CBLB: variants seen among roughly 807,000 people sequenced by gnomAD.
CBLB encodes Cbl proto-oncogene B, also known as E3 ubiquitin-protein ligase CBL-B.
A neutral mutation model predicts 104.9 loss-of-function variants in CBLB; 31 were observed. The observed-to-expected ratio is 0.30, with a 90% CI of 0.22 to 0.40. The LOEUF is 0.40. Among genes scored for constraint, CBLB ranks in the 10% least tolerant of loss-of-function variants. The probability of loss-of-function intolerance (pLI) is 1.00; values close to 1 mark genes in which losing one functional copy is unlikely to be tolerated. For synonymous variants in CBLB, 440 were observed against 422.6 expected (o/e 1.04, Z -0.51); for missense variants, 1,062 against 1,214.6 (o/e 0.87, Z 1.87).
intron 17 of CBLB, among the ~76,000 whole-genome samples, chr3:105,675,178 C>A (rs1263316949): frequency 1.3e-5 from 2 of 152,072 alleles, no homozygotes; most frequent in African/African-American, 4.8e-5. Context: ...CTCAGGAAAC[C>A]AAATCTCAAT....
At chr3:105,840,768 A>C (rs541543825) in intron 3 of CBLB, among the ~76,000 whole-genome samples, 1 of 152,260 alleles carries the variant, frequency 6.6e-6, no homozygotes. Context: ...TATCATTCTT[A>C]TATCACATAA....
intron 18 of CBLB, among the ~76,000 whole-genome samples, chr3:105,665,271 T>A (rs770774405): frequency 5.9e-5 from 9 of 151,548 alleles, no homozygotes; most frequent in Non-Finnish European, 1.0e-4. Context: ...TAGTCCCAGC[T>A]ACTTGGGAGG....
intron 16 of CBLB, among the ~76,000 whole-genome samples, chr3:105,679,635 G>A (rs1219859151): frequency 1.3e-5 from 2 of 152,022 alleles, no homozygotes; most frequent in Non-Finnish European, 2.9e-5. Context: ...AATTAGCCGG[G>A]CATGGTGGTA....
intron 2 of CBLB, among the ~76,000 whole-genome samples, chr3:105,859,730 C>G (rs748064003): frequency 6.6e-6 from 1 of 150,630 alleles, no homozygotes; most frequent in Non-Finnish European, 1.5e-5. Context: ...TTTCTTATTA[C>G]AGTGACCTAA....
chr3:105,851,783 G>A (rs916842617), intron 3 of CBLB, among the ~76,000 whole-genome samples: 6 of 152,176 alleles, frequency 3.9e-5, no homozygotes, highest in Non-Finnish European at 8.8e-5. Context: ...ATACAGTCAT[G>A]AACCCCGTAA....
chr3:105,817,272 T>C (rs1008816982), intron 3 of CBLB, among the ~76,000 whole-genome samples: 1 of 152,150 alleles, frequency 6.6e-6, no homozygotes, highest in Non-Finnish European at 1.5e-5. Context: ...TTATCAGTAA[T>C]CTTATCATGA....
chr3:105,716,965 C>T (rs557992736), intron 10 of CBLB, among the ~76,000 whole-genome samples: 49 of 152,166 alleles, frequency 3.2e-4, no homozygotes, highest in African/African-American at 1.1e-3. Context: ...GTCTTGGGAG[C>T]GGGTGATAAG....
intron 3 of CBLB, among the ~76,000 whole-genome samples, chr3:105,821,719 A>T (rs765169659): frequency 2.0e-5 from 3 of 152,206 alleles, no homozygotes; most frequent in Non-Finnish European, 4.4e-5. Context: ...ATAAAAACAA[A>T]AACAGGATTT....
At chr3:105,664,154 T>C (rs1476227593) in intron 18 of CBLB, among the ~76,000 whole-genome samples, 6 of 152,176 alleles carry the variant, frequency 3.9e-5, no homozygotes, top group Non-Finnish European at 7.4e-5. Flanking sequence ...TATTGATGAA[T>C]ACATTTTCCC....
At chr3:105,705,810 A>C (rs890930144) in intron 10 of CBLB, among the ~76,000 whole-genome samples, 1 of 152,154 alleles carries the variant, frequency 6.6e-6, no homozygotes, top group African/African-American at 2.4e-5. Flanking sequence ...ATATAGTTGG[A>C]AATTTATGCG....
At chr3:105,730,243 GA>G (rs1305987287) in intron 9 of CBLB, among the ~76,000 whole-genome samples, 1 of 151,788 alleles carries the variant, frequency 6.6e-6, no homozygotes, top group African/African-American at 2.4e-5. Flanking sequence ...AGAATGGGTG[GA>G]AAAAAATCAC....
At chr3:105,772,112 T>C (rs185904766) in intron 4 of CBLB, among the ~76,000 whole-genome samples, 288 of 152,254 alleles carry the variant, frequency 1.9e-3, no homozygotes, top group Non-Finnish European at 3.5e-3. Flanking sequence ...TCACACTATC[T>C]GACCTCAAAT....
chr3:105,674,367 A>T (rs1163892609), intron 17 of CBLB, among the ~76,000 whole-genome samples: 1 of 152,256 alleles, frequency 6.6e-6, no homozygotes, highest in Non-Finnish European at 1.5e-5. Context: ...TTACTTATGC[A>T]GTTGCATTTC....
chr3:105,738,726 T>C lies in CBLB; in HGVS notation c.984-1468A>G, dbSNP rs558717219. Among the ~76,000 whole-genome samples the C allele has an allele frequency of 3.9e-5, 6 of 152,192 alleles. No individual in the cohort carries two copies. In the East Asian group the frequency reaches 9.7e-4, roughly 24 times the overall value. On this transcript the variant is annotated intron_variant, in intron 7 of 18. Coordinates refer to ENST00000394030, the MANE Select transcript of CBLB (RefSeq NM_170662.5). Reference sequence around the variant, plus strand: ...AAAGTATATTTTCTTAAAAAAAATCTGTAATCATGGTAAATCAAAATCTAT... The same window carrying C: ...AAAGTATATTTTCTTAAAAAAAATCCGTAATCATGGTAAATCAAAATCTAT...
intron 2 of CBLB, among the ~76,000 whole-genome samples, chr3:105,857,548 T>A (rs956669333): frequency 6.6e-6 from 1 of 152,210 alleles, no homozygotes; most frequent in African/African-American, 2.4e-5. Flanking sequence ...TAAGGGACCA[T>A]TAAAATATCA....
At chr3:105,710,059 C>T (rs1188946754) in intron 10 of CBLB, among the ~76,000 whole-genome samples, 11 of 151,758 alleles carry the variant, frequency 7.2e-5, no homozygotes, top group Non-Finnish European at 1.5e-4. Flanking sequence ...TTTTTTGGTC[C>T]CCATATCCAC....
intron 3 of CBLB, among the ~76,000 whole-genome samples, chr3:105,791,526 C>T (rs1484332212): frequency 4.6e-5 from 7 of 152,180 alleles, no homozygotes; most frequent in Admixed American, 4.6e-4. Context: ...ACCATGCCAC[C>T]CACTGACGTT....
intron 3 of CBLB, among the ~76,000 whole-genome samples, chr3:105,814,611 T>C (rs1217568521): frequency 6.6e-6 from 1 of 151,542 alleles, no homozygotes; most frequent in Non-Finnish European, 1.5e-5. Context: ...CACTCTTGTG[T>C]CCATTCCTTC....
intron 2 of CBLB, among the ~76,000 whole-genome samples, chr3:105,858,123 C>T (rs1299570218): frequency 6.6e-6 from 1 of 152,170 alleles, no homozygotes; most frequent in Non-Finnish European, 1.5e-5. Flanking sequence ...AGAGTCAGTT[C>T]ATCAAGGCCC....
Sources: allele counts gnomAD v4.1 joint callset (sites outside exome capture counted in the v4.1 genomes callset), GRCh38; gene constraint gnomAD v4.1.1; transcripts MANE v1.5; gene names NCBI Gene and HGNC (gene_info 2026-07-23, HGNC 2026-07-21).